The following PSME4 variants were observed in gnomAD, a reference collection of about 807,000 sequenced individuals.
The protein encoded by PSME4 is proteasome activator subunit 4.
A neutral mutation model predicts 253.9 loss-of-function variants in PSME4; 89 were observed. The ratio of observed to expected loss-of-function variants is 0.35; its 90% CI spans 0.30 to 0.42. The LOEUF is 0.42. PSME4 is among the 10% of genes least tolerant of loss of function. The pLI is 1.00. For synonymous variants in PSME4, 851 were observed against 759.2 expected (o/e 1.12, Z -1.99); for missense variants, 2,014 against 2,195.2 (o/e 0.92, Z 1.65).
In PSME4 at chr2:53,875,770, A is replaced by C. The variant is rs1216685262; in HGVS notation, c.4816-15T>G. 6.2e-7 allele frequency: 1 copy of C among 1,605,432 alleles called. No individual in the cohort carries two copies. Among genetic ancestry groups the C allele is most frequent in the African/African-American group, 1.3e-5 (1 of 74,476 alleles). ...ACTGGGGCAATCTAAAAAACAATGT[A>C]AAAAGGACAAAAATGGAAAAATAAT... On this transcript the variant is annotated splice_polypyrimidine_tract_variant and intron_variant, in intron 41 of 46. Coordinates refer to ENST00000404125, the MANE Select transcript of PSME4 (RefSeq NM_014614.3).
intron 9 of PSME4, among the ~76,000 whole-genome samples, chr2:53,932,417 A>G (rs1327947822): frequency 6.6e-6 from 1 of 152,222 alleles, no homozygotes; most frequent in Non-Finnish European, 1.5e-5. Context: ...AGATGGTTCT[A>G]TGCTTCTAAG....
intron 14 of PSME4, among the ~76,000 whole-genome samples, chr2:53,923,847 C>T (rs368312837): frequency 1.3e-4 from 18 of 138,656 alleles, no homozygotes; most frequent in African/African-American, 4.6e-4. Flanking sequence ...TGCTTGAACC[C>T]GGGAGGTGGA....
chr2:53,927,184 T>C (rs1306147108), intron 12 of PSME4, among the ~76,000 whole-genome samples: 1 of 152,228 alleles, frequency 6.6e-6, no homozygotes, highest in Admixed American at 6.5e-5. Flanking sequence ...GTCAGATGTT[T>C]ATAGAAACAG....
intron 5 of PSME4, 86 bp downstream of exon 5, chr2:53,937,305 T>C (rs1669169721): frequency 8.0e-7 from 1 of 1,256,050 alleles, no homozygotes; most frequent in Admixed American, 2.7e-5. Context: ...GCAAAATGAT[T>C]TTTCTAGTTG....
At chr2:53,908,240 A>G (rs1573261686) in intron 24 of PSME4, 80 bp downstream of exon 24, 1 of 1,109,830 alleles carries the variant, frequency 9.0e-7, no homozygotes, top group East Asian at 2.5e-5. Context: ...CTTCTTCTAT[A>G]TGCTGAATAA....
At chr2:53,931,421 C>G (rs1668824694) in intron 10 of PSME4, among the ~76,000 whole-genome samples, 1 of 152,292 alleles carries the variant, frequency 6.6e-6, no homozygotes, top group South Asian at 2.1e-4. Context: ...AACAACACAC[C>G]TGAATATATA....
Position 53,887,283 on chromosome 2 carries a change from G to A in PSME4, c.4705C>T (p.Gln1569Ter). The A allele has an allele frequency of 6.2e-7, 1 of 1,613,780 alleles. No homozygotes were observed. Among genetic ancestry groups the A allele is most frequent in the Non-Finnish European group, 8.5e-7 (1 of 1,179,722 alleles). The change falls in exon 40 of 47, where the codon CAG becomes TAG. Residue 1569 changes from glutamine to a stop codon, truncating the protein, a stop_gained. Transcript: ENST00000404125. LOFTEE classifies it high-confidence loss of function. ...CTGGTTTTCAAGAGTTTAATGCCCT[G>A]AGTTCGCTCATCTTCTTCACCAATT... Reference protein sequence around the residue: ...NGIGEEDERTQGIKLLKTILK... With the variant: ...NGIGEEDERT
intron 1 of PSME4, among the ~76,000 whole-genome samples, chr2:53,953,852 C>T (rs1034765002): frequency 4.6e-5 from 7 of 152,100 alleles, no homozygotes; most frequent in African/African-American, 7.2e-5. Flanking sequence ...CACGATTGAA[C>T]GTGATTGATA....
intron 10 of PSME4, among the ~76,000 whole-genome samples, chr2:53,928,857 G>T (rs1028741221): frequency 1.3e-5 from 2 of 152,078 alleles, no homozygotes; most frequent in Non-Finnish European, 2.9e-5. Flanking sequence ...CAATTCCACA[G>T]TGAAAAAAGA....
Position 53,901,384 on chromosome 2 carries a change from T to C in PSME4, c.3251A>G (p.His1084Arg), listed in dbSNP as rs774894607. The change falls in exon 28 of 47, where the codon CAT becomes CGT. Residue 1084 changes from histidine to arginine, a missense_variant. Physicochemically the swap from His to Arg is conservative, Grantham distance 29 (BLOSUM62 0). Coordinates refer to ENST00000404125, the MANE Select transcript of PSME4 (RefSeq NM_014614.3). ...RLFDDLAEKI[H>R]RQYETIGLDF... ...CAAGCCAATTGTTTCATACTGCCTATGAATCTTTTCTGCAAGATCATCAAA... is the reference window on the plus strand; with the variant it reads ...CAAGCCAATTGTTTCATACTGCCTACGAATCTTTTCTGCAAGATCATCAAA... 5 of 1,614,138 alleles carry C rather than the reference T, an allele frequency of 3.1e-6. No homozygotes were observed. The highest frequency in any genetic ancestry group is 2.5e-6 in the Non-Finnish European group (3 of 1,179,958).
chr2:53,868,482 A>T (rs1047598765), intron 44 of PSME4, among the ~76,000 whole-genome samples: 5 of 84,504 alleles, frequency 5.9e-5, no homozygotes, highest in Non-Finnish European at 1.1e-4. Flanking sequence ...ATATATTTAT[A>T]ATATATATAT....
At chr2:53,908,061 C>A in intron 24 of PSME4, 1 of 400,032 alleles carries the variant, frequency 2.5e-6, no homozygotes, top group Non-Finnish European at 4.4e-6. Context: ...ACAAGGTAGT[C>A]TCAATGCTAT....
intron 1 of PSME4, among the ~76,000 whole-genome samples, chr2:53,970,230 C>T (rs1670991392): frequency 6.6e-6 from 1 of 152,208 alleles, no homozygotes; most frequent in Non-Finnish European, 1.5e-5. Context: ...GCTCACCTCT[C>T]TCCCTCGGGG....
intron 38 of PSME4, chr2:53,888,405 G>C: frequency 3.8e-6 from 1 of 266,512 alleles, no homozygotes; most frequent in Non-Finnish European, 7.0e-6. Context: ...CTTTTTAACA[G>C]GAAAAAGTGA....
At chr2:53,917,677 C>T (rs1470219435) in intron 20 of PSME4, among the ~76,000 whole-genome samples, 1 of 152,180 alleles carries the variant, frequency 6.6e-6, no homozygotes, top group East Asian at 1.9e-4. Context: ...TCAAGCAGAA[C>T]TCAATTTGCT....
chr2:53,945,153 A>G (rs1463713500), intron 3 of PSME4, among the ~76,000 whole-genome samples: 2 of 152,166 alleles, frequency 1.3e-5, no homozygotes, highest in Admixed American at 1.3e-4. Context: ...CCATTTGTAA[A>G]AGCATACCTA....
chr2:53,964,294 C>A (rs890776041), intron 1 of PSME4, among the ~76,000 whole-genome samples: 2 of 152,158 alleles, frequency 1.3e-5, no homozygotes, highest in African/African-American at 2.4e-5. Context: ...ACTTTCCATT[C>A]AATTTTGCTG....
chr2:53,895,030 T>C lies in PSME4; in HGVS notation c.3889A>G (p.Arg1297Gly), dbSNP rs746812971. Residue 1297 changes from arginine (R) to glycine (G), a missense_variant, in exon 34 of 47, where the codon AGA (arginine) becomes GGA (glycine). Physicochemically the swap from Arg to Gly is moderately radical, Grantham distance 125. Coordinates refer to ENST00000404125, the MANE Select transcript of PSME4 (RefSeq NM_014614.3). ...ACCTCTGTCATATCCTCCCTGCTTC[T>C]GCCAAGCTTAGGCTGCTCTTCCACA... ...AGVEEQPKLG[R>G]SREDMTEAEQ... is the part of the protein sequence containing the mutation. 6.2e-7 allele frequency: 1 copy of C among 1,613,110 alleles called. No homozygotes were observed. Among genetic ancestry groups the C allele is most frequent in the Non-Finnish European group, 8.5e-7 (1 of 1,179,788 alleles).
chr2:53,969,873 T>C (rs1670958708), intron 1 of PSME4, among the ~76,000 whole-genome samples: 1 of 152,154 alleles, frequency 6.6e-6, no homozygotes, highest in Admixed American at 6.5e-5. Context: ...GTATCTTAAA[T>C]GTCTCTCCAA....
Sources: gnomAD v4.1 joint callset for allele counts (sites outside exome capture counted in the v4.1 genomes callset) on GRCh38, gnomAD v4.1.1 for gene constraint, MANE v1.5 for transcripts, NCBI Gene and HGNC (gene_info 2026-07-23, HGNC 2026-07-21) for gene names.